Variants in WIF1 observed in about 807,000 individuals in gnomAD.
WIF1 encodes Wnt inhibitory factor 1.
Under a neutral mutation model 53.5 loss-of-function variants are expected in WIF1, and 35 were observed. The observed-to-expected ratio is 0.65, with a 90% CI of 0.50 to 0.87. The LOEUF (loss-of-function observed/expected upper bound fraction) is 0.87, where lower values mean the gene tolerates loss of function less well. Ranked by LOEUF, WIF1 falls within the 40% of genes least tolerant of loss-of-function variation. WIF1 has a pLI of 0.00. For missense variants in WIF1, 467 were observed against 476.8 expected, an observed-to-expected ratio of 0.98 and a Z score of 0.19; for synonymous variants, 171 against 170.4, an observed-to-expected ratio of 1.00 and a Z score of -0.03.
chr12:65,110,260 TC>T (rs1883410436), intron 2 of WIF1, among the ~76,000 whole-genome samples: 1 of 138,838 alleles, frequency 7.2e-6, no homozygotes, highest in Non-Finnish European at 1.6e-5. Context: ...CCTGCCCCCT[TC>T]CCCTGGCCCC....
At chr12:65,103,264 T>A (rs1883307657) in intron 2 of WIF1, among the ~76,000 whole-genome samples, 1 of 152,240 alleles carries the variant, frequency 6.6e-6, no homozygotes, top group South Asian at 2.1e-4. Context: ...CAATGCATGA[T>A]TTTTCCTTAG....
At chr12:65,101,364 AG>A (rs1260350240) in intron 2 of WIF1, among the ~76,000 whole-genome samples, 1 of 152,208 alleles carries the variant, frequency 6.6e-6, no homozygotes, top group Non-Finnish European at 1.5e-5. Flanking sequence ...CTACCATTTG[AG>A]GAGGTCTTAC....
chr12:65,111,348 T>C (rs1883428590), intron 2 of WIF1, among the ~76,000 whole-genome samples: 1 of 152,150 alleles, frequency 6.6e-6, no homozygotes, highest in South Asian at 2.1e-4. Context: ...TTATCTGACC[T>C]GCCACTGCCT....
chr12:65,062,607 T>C, intron 6 of WIF1, 31 bp from the exon 7 acceptor site: 2 of 1,570,664 alleles, frequency 1.3e-6, no homozygotes, highest in Non-Finnish European at 1.7e-6. Flanking sequence ...GGTGTTGCAT[T>C]AGACAGTAGG....
At chr12:65,096,541 A>G (rs534733322) in intron 2 of WIF1, among the ~76,000 whole-genome samples, 24 of 152,334 alleles carry the variant, frequency 1.6e-4, no homozygotes, top group African/African-American at 5.1e-4. Context: ...ATAATAAATC[A>G]TTCTATTATA....
chr12:65,082,779 G>T (rs1882969189), intron 2 of WIF1, among the ~76,000 whole-genome samples: 1 of 152,164 alleles, frequency 6.6e-6, no homozygotes, highest in African/African-American at 2.4e-5. Flanking sequence ...TGAGAGGAAT[G>T]AAGAGAATCC....
At chr12:65,075,461 T>C (rs563850559) in intron 3 of WIF1, among the ~76,000 whole-genome samples, 4 of 152,308 alleles carry the variant, frequency 2.6e-5, no homozygotes, top group African/African-American at 9.6e-5. Flanking sequence ...TCGATGACTT[T>C]AAAACACTAT....
chr12:65,091,474 A>G (rs1883122417), intron 2 of WIF1, among the ~76,000 whole-genome samples: 2 of 151,526 alleles, frequency 1.3e-5, no homozygotes, highest in South Asian at 4.1e-4. Flanking sequence ...CTCTGATAAT[A>G]ATACTATTTG....
intron 2 of WIF1, among the ~76,000 whole-genome samples, chr12:65,118,314 T>C (rs1325941228): frequency 6.6e-6 from 1 of 152,240 alleles, no homozygotes; most frequent in Non-Finnish European, 1.5e-5. Context: ...ATTTTTCCCA[T>C]CTTCAGAATT....
intron 2 of WIF1, among the ~76,000 whole-genome samples, chr12:65,101,932 C>A (rs1361064148): frequency 6.6e-6 from 1 of 152,090 alleles, no homozygotes; most frequent in Non-Finnish European, 1.5e-5. Context: ...CTTTCTTTGG[C>A]CTAATGACTT....
intron 2 of WIF1, among the ~76,000 whole-genome samples, chr12:65,101,208 A>G (rs544515663): frequency 1.2e-4 from 19 of 152,324 alleles, no homozygotes; most frequent in African/African-American, 4.6e-4. Flanking sequence ...GTGAGTAAAA[A>G]GTTTTGCAAG....
chr12:65,112,762 T>C (rs1237186112), intron 2 of WIF1, among the ~76,000 whole-genome samples: 1 of 152,126 alleles, frequency 6.6e-6, no homozygotes, highest in Non-Finnish European at 1.5e-5. Context: ...AGAATATATT[T>C]TCCCCTCTAA....
chr12:65,107,816 G>C (rs758706946), intron 2 of WIF1, among the ~76,000 whole-genome samples: 2 of 152,140 alleles, frequency 1.3e-5, no homozygotes, highest in Non-Finnish European at 2.9e-5. Context: ...CTCAAGAGTT[G>C]TTCTAGATGT....
intron 3 of WIF1, among the ~76,000 whole-genome samples, chr12:65,071,198 C>CAG (rs1882767143): frequency 7.6e-6 from 1 of 131,656 alleles, no homozygotes; most frequent in Non-Finnish European, 1.5e-5. Context: ...AGAGCCACTG[C>CAG]AGTCCAGCCT....
intron 6 of WIF1, 76 bp from the exon 7 acceptor site, chr12:65,062,652 GC>G: frequency 7.3e-7 from 1 of 1,365,996 alleles, no homozygotes; most frequent in South Asian, 1.3e-5. Flanking sequence ...AAAGTGAGGT[GC>G]TATTTTTTAG....
intron 9 of WIF1, 151 bp from the exon 10 acceptor site, chr12:65,051,621 T>A (rs1011127262): frequency 1.3e-5 from 13 of 1,026,746 alleles, no homozygotes; most frequent in Middle Eastern, 2.5e-4. Context: ...AATGAAGAGA[T>A]CTCTGTTAAG....
chr12:65,057,786 T>C (rs910026061), intron 7 of WIF1, among the ~76,000 whole-genome samples: 16 of 152,196 alleles, frequency 1.1e-4, no homozygotes, highest in Non-Finnish European at 1.8e-4. Context: ...TCAACCCCCA[T>C]ATATTTTACT....
At chr12:65,058,252 T>C (rs1882559019) in intron 7 of WIF1, among the ~76,000 whole-genome samples, 1 of 152,164 alleles carries the variant, frequency 6.6e-6, no homozygotes, top group African/African-American at 2.4e-5. Flanking sequence ...ATCACAGTAC[T>C]CTGCAATGCA....
intron 2 of WIF1, among the ~76,000 whole-genome samples, chr12:65,086,737 A>G (rs1883044466): frequency 7.0e-6 from 1 of 142,288 alleles, no homozygotes. Context: ...CTCAAGGCTT[A>G]CATTTGAATA....
Sources: allele counts gnomAD v4.1 joint callset (sites outside exome capture counted in the v4.1 genomes callset), GRCh38; gene constraint gnomAD v4.1.1; transcripts MANE v1.5; gene names NCBI Gene and HGNC (gene_info 2026-07-23, HGNC 2026-07-21).